Variants in LRP4 observed in about 807,000 individuals in gnomAD.
LRP4 encodes the protein LDL receptor related protein 4.
In LRP4, 95 loss-of-function variants were observed where a neutral mutation model predicts 220.3. The observed-to-expected ratio is 0.43, with a 90% confidence interval of 0.37 to 0.51. LRP4 has a LOEUF of 0.51. Ranked by LOEUF, LRP4 falls within the 20% of genes least tolerant of loss-of-function variation. LRP4 has a pLI of 0.00. For missense variants in LRP4, 1,925 were observed against 2,567.0 expected, an observed-to-expected ratio of 0.75 and a Z score of 5.40; for synonymous variants, 903 against 954.6, an observed-to-expected ratio of 0.95 and a Z score of 1.00.
At chr11:46,895,559 C>T (rs540927817) in intron 10 of LRP4, among the ~76,000 whole-genome samples, 7 of 152,046 alleles carry the variant, frequency 4.6e-5, no homozygotes, top group Admixed American at 1.3e-4. Context: ...CCAGCCTGGG[C>T]GACAGAGCGA....
At chr11:46,907,836 G>C (rs917826001) in intron 1 of LRP4, among the ~76,000 whole-genome samples, 2 of 152,146 alleles carry the variant, frequency 1.3e-5, no homozygotes, top group Admixed American at 6.5e-5. Flanking sequence ...CATAAAATGG[G>C]AATATTAACA....
chr11:46,860,263 A>C (rs1940508422), intron 37 of LRP4, among the ~76,000 whole-genome samples: 1 of 151,782 alleles, frequency 6.6e-6, no homozygotes, highest in Non-Finnish European at 1.5e-5. Flanking sequence ...AGAAAGAAAA[A>C]AAACTAAAAA....
rs778380145 is a variant in LRP4, at chr11:46,890,279, T to A, written c.1913A>T (p.Gln638Leu). ...DGSHRKAVIS[Q>L]GLPHPFAITV... The stretch of plus-strand genomic sequence containing the variant: ...GGAGACTGAAGGAAGGGGCTCACCC[T>A]GGCTAATGACAGCCTTACGGTGACT... Residue 638 changes from glutamine to leucine, a missense_variant and splice_region_variant, in exon 14 of 38, where the codon CAG becomes CTG. Transcript: ENST00000378623. The surrounding 1 kb of genome is among the most constrained non-coding windows in gnomAD (Gnocchi z 5.3). 3.1e-6 allele frequency: 5 copies of A among 1,614,042 alleles called. No individual in the cohort carries two copies. Among genetic ancestry groups the A allele is most frequent in the Non-Finnish European group, 4.2e-6 (5 of 1,179,996 alleles).
At chr11:46,893,189 G>GT in intron 12 of LRP4, 60 bp from the exon 13 acceptor site, 4 of 1,599,974 alleles carry the variant, frequency 2.5e-6, no homozygotes, top group Non-Finnish European at 3.4e-6. Flanking sequence ...ATGTCCCATA[G>GT]TAATAGGAGC....
rs774672727 is a variant in LRP4, at chr11:46,876,800, T to A, written c.3308A>T (p.His1103Leu). The A allele has an allele frequency of 6.2e-7, 1 of 1,614,122 alleles. No homozygotes were observed. Residue 1103 changes from histidine (H) to leucine (L), a missense_variant, in exon 24 of 38, where the codon CAC becomes CTC. Physicochemically the swap from His to Leu is moderately conservative, Grantham distance 99. Around this residue, in one of 3 missense-constraint regions of LRP4, gnomAD observed 1,244 missense variants for 1,624.9 expected, o/e 0.77. Transcript: ENST00000378623. The stretch of plus-strand genomic sequence containing the variant: ...ATCCAGATTGGCACGACTGATCCTG[T>A]GCAGTGTGCTGTCAGACCAGTACAC... ...GKVYWSDSTL[H>L]RISRANLDGS...
intron 1 of LRP4, among the ~76,000 whole-genome samples, chr11:46,913,991 C>T (rs902882451): frequency 1.3e-5 from 2 of 152,136 alleles, no homozygotes; most frequent in African/African-American, 2.4e-5. Flanking sequence ...GCACAGAACA[C>T]GGTAGCATAA....
Position 46,892,782 on chromosome 11 carries a change from C to A in LRP4, c.1697+191G>T, listed in dbSNP as rs187197036. Among the ~76,000 whole-genome samples the A allele has an allele frequency of 2.8e-3, 429 of 152,292 alleles. 2 individuals carry two copies. Among genetic ancestry groups the A allele is most frequent in the African/African-American group, 9.8e-3 (406 of 41,574 alleles). ...ATGGGGTTTCCCCATGTTGGCCAGG[C>A]TGGTCTCGAATTACTGACCTCAGGT... On this transcript the variant is annotated intron_variant, in intron 13 of 37. Transcript: ENST00000378623.
At chr11:46,877,422 C>T (rs1941049005) in intron 22 of LRP4, 83 bp from the exon 23 acceptor site, 13 of 1,385,388 alleles carry the variant, frequency 9.4e-6, no homozygotes, top group Non-Finnish European at 1.2e-5. Flanking sequence ...AAACTCATGC[C>T]CTGTCCCTGC....
At chr11:46,879,443 C>G (rs1941098670) in intron 20 of LRP4, 128 bp from the exon 21 acceptor site, 5 of 860,532 alleles carry the variant, frequency 5.8e-6, no homozygotes, top group South Asian at 1.5e-5. Context: ...CCAGTAAGAG[C>G]TACTTATAAA....
At position 46,865,141 on chromosome 11, in the gene LRP4, A is replaced by G. The variant is rs1940660934; in HGVS notation, c.5133T>C (p.Asn1711=). 5 of 1,563,262 alleles carry G rather than the reference A, an allele frequency of 3.2e-6. No individual in the cohort carries two copies. Among genetic ancestry groups the G allele is most frequent in the Non-Finnish European group, 3.5e-6 (4 of 1,152,722 alleles). ...TACCTGGAGCAGCAGGAACAGCGTC[A>G]TTGGAACGTGCACAGAGGCCCAGCC... is the stretch of plus-strand genomic sequence containing the variant. The part of the protein sequence containing the change: ...DARLGLCARS[N]DAVPAAPGEG... The change falls in exon 35 of 38, where the codon AAT becomes AAC. Residue 1711 remains asparagine, a synonymous_variant. Transcript: ENST00000378623.
chr11:46,903,537 C>T (rs768454782), intron 1 of LRP4, among the ~76,000 whole-genome samples: 21 of 152,028 alleles, frequency 1.4e-4, no homozygotes, highest in Non-Finnish European at 2.1e-4. Flanking sequence ...AAAAATGATG[C>T]CACTCAGAGG....
chr11:46,865,259 G>C (rs1400773499), intron 34 of LRP4, 73 bp from the exon 35 acceptor site: 1 of 1,116,604 alleles, frequency 9.0e-7, no homozygotes, highest in African/African-American at 1.5e-5. Context: ...CCAGGAAAGG[G>C]GGAAAGGCCT....
intron 1 of LRP4, among the ~76,000 whole-genome samples, chr11:46,916,475 C>T (rs1941947817): frequency 6.6e-6 from 1 of 152,178 alleles, no homozygotes; most frequent in South Asian, 2.1e-4. Context: ...AAAAGCGTTA[C>T]CGCGAATCCT....
At chr11:46,876,670 A>G (rs1430519708) in intron 24 of LRP4, 33 bp from the exon 25 acceptor site, 4 of 1,614,160 alleles carry the variant, frequency 2.5e-6, no homozygotes, top group Non-Finnish European at 2.5e-6. Context: ...ACTGGCTCCT[A>G]TTTTAAAACA....
chr11:46,868,755 A>G (rs1326940470), intron 32 of LRP4, 42 bp from the exon 33 acceptor site: 2 of 1,446,076 alleles, frequency 1.4e-6, no homozygotes, highest in South Asian at 1.1e-5. Context: ...GGACAGAATC[A>G]GGTCTCCCAA....
intron 11 of LRP4, among the ~76,000 whole-genome samples, 173 bp downstream of exon 11, chr11:46,894,993 C>A (rs1941495090): frequency 6.6e-6 from 1 of 152,104 alleles, no homozygotes; most frequent in African/African-American, 2.4e-5. Context: ...CCACCCCTCC[C>A]CACCCCACTC....
chr11:46,900,537 T>A (rs952012518), intron 2 of LRP4, among the ~76,000 whole-genome samples, 159 bp from the exon 3 acceptor site: 2 of 152,142 alleles, frequency 1.3e-5, no homozygotes, highest in African/African-American at 2.4e-5. Context: ...AGTGGCGCAA[T>A]CTTGGCTCAC....
chr11:46,898,489 A>G, intron 7 of LRP4, 69 bp downstream of exon 7: 1 of 1,601,542 alleles, frequency 6.2e-7, no homozygotes. Flanking sequence ...CCCAGCCGGT[A>G]GTGGCCTCTT....
chr11:46,868,901 C>G, intron 32 of LRP4, 87 bp downstream of exon 32: 2 of 1,569,974 alleles, frequency 1.3e-6, no homozygotes, highest in South Asian at 2.2e-5. Flanking sequence ...TCTTGTGGCC[C>G]TAACTGTCTT....
Sources: gnomAD v4.1 joint callset for allele counts (sites outside exome capture counted in the v4.1 genomes callset) on GRCh38, gnomAD v4.1.1 for gene constraint, gnomAD v4.1.1 regional missense constraint, Gnocchi (gnomAD v3.1) non-coding constraint, MANE v1.5 for transcripts, NCBI Gene and HGNC (gene_info 2026-07-23, HGNC 2026-07-21) for gene names.